Variants in MRPL37 observed in about 807,000 individuals in gnomAD.
MRPL37 encodes the protein large ribosomal subunit protein mL37.
A neutral mutation model predicts 44.1 loss-of-function variants in MRPL37; 34 were observed. The observed-to-expected ratio is 0.77, with a 90% CI of 0.59 to 1.03. MRPL37 has a LOEUF of 1.03. Ranked by LOEUF, MRPL37 falls within the 50% of genes least tolerant of loss-of-function variation. The probability of loss-of-function intolerance (pLI) is 0.00; values close to 1 mark genes in which losing one functional copy is unlikely to be tolerated. For synonymous variants in MRPL37, 212 were observed against 219.5 expected (o/e 0.97, Z 0.30); for missense variants, 532 against 543.7 (o/e 0.98, Z 0.21).
chr1:54,211,901 A>C (rs536101287), intron 4 of MRPL37, among the ~76,000 whole-genome samples: 1 of 152,368 alleles, frequency 6.6e-6, no homozygotes, highest in Non-Finnish European at 1.5e-5. Flanking sequence ...GGGAGAAGAG[A>C]ATCATGACTT....
intron 1 of MRPL37, among the ~76,000 whole-genome samples, chr1:54,202,015 T>C (rs2100499115): frequency 6.6e-6 from 1 of 152,098 alleles, no homozygotes; most frequent in South Asian, 2.1e-4. Flanking sequence ...TTTTTTTTTT[T>C]TTTTTGAGAC....
At chr1:54,224,212 T>C (rs1216240059), downstream of MRPL37, among the ~76,000 whole-genome samples, 1 of 152,118 alleles carries the variant, frequency 6.6e-6, no homozygotes, top group Admixed American at 6.5e-5. Flanking sequence ...TCTCTTCATC[T>C]CTCCAATGGA....
Position 54,212,596 on chromosome 1 carries a change from CG to C in MRPL37, c.931del (p.Ala311ProfsTer3). The C allele has an allele frequency of 6.2e-7, 1 of 1,614,216 alleles. No homozygotes were observed. The highest frequency in any genetic ancestry group is 8.5e-7 in the Non-Finnish European group (1 of 1,180,042). ...RPHRLQPDQL[R>X]AKMILFAFGS... ...ACACCGCCTTCAACCAGATCAGCTG[CG>C]GGCCAAGATGATCCTGTTTGCTTTT... On this transcript the variant is annotated frameshift_variant, in exon 5 of 7. Transcript: ENST00000360840. LOFTEE classifies it high-confidence loss of function.
rs1046110349 is a variant in MRPL37, at chr1:54,212,516, A to G, written c.848A>G (p.Tyr283Cys). Residue 283 changes from tyrosine to cysteine, a missense_variant, in exon 5 of 7, where the codon TAT becomes TGT. Transcript: ENST00000360840. Reference protein sequence around the residue: ...VKNDTGFQEGYPYPYPHTLYL... With the variant: ...VKNDTGFQEGCPYPYPHTLYL... Reference sequence around the variant, plus strand: ...TCTCTTGCAGGATTCCAGGAAGGCTATCCTTACCCCTATCCCCATACCCTG... The same window carrying G: ...TCTCTTGCAGGATTCCAGGAAGGCTGTCCTTACCCCTATCCCCATACCCTG... 1.9e-6 allele frequency: 3 copies of G among 1,614,092 alleles called. No homozygotes were observed. The highest frequency in any genetic ancestry group is 3.3e-5 in the Admixed American group (2 of 60,010).
At chr1:54,218,028 G>C (rs1341693208) in intron 6 of MRPL37, 144 bp from the exon 7 acceptor site, 7 of 793,802 alleles carry the variant, frequency 8.8e-6, no homozygotes, top group Non-Finnish European at 1.5e-5. Context: ...GCCCCTCAAT[G>C]CCCCTTCTTA....
chr1:54,220,602 C>G (rs534125628), downstream of MRPL37: 21 of 469,418 alleles, frequency 4.5e-5, no homozygotes, highest in Middle Eastern at 3.2e-4. Flanking sequence ...ACAGCTGCCC[C>G]CTCCACAGAC....
At chr1:54,210,739 C>T (rs1461336422) in intron 4 of MRPL37, among the ~76,000 whole-genome samples, 1 of 152,208 alleles carries the variant, frequency 6.6e-6, no homozygotes, top group African/African-American at 2.4e-5. Flanking sequence ...ATAGCCACAA[C>T]CTAGGTCAGT....
At chr1:54,222,162 A>G (rs758616985), downstream of MRPL37, among the ~76,000 whole-genome samples, 24 of 152,220 alleles carry the variant, frequency 1.6e-4, no homozygotes, top group Non-Finnish European at 2.2e-4. Context: ...AATTCTCAGG[A>G]CGAAGAGGGC....
rs1644113187 is a variant in MRPL37, at chr1:54,205,276, GTC to G, written c.531-15_531-14del. Reference sequence around the variant, plus strand: ...GACCTGTTGCTTTAAGTCCCCAAATGTCTCTTTTTGTCTTCAAGCCCGGTCAT... The same window carrying G: ...GACCTGTTGCTTTAAGTCCCCAAATGTCTTTTTGTCTTCAAGCCCGGTCAT... On this transcript the variant is annotated splice_polypyrimidine_tract_variant and intron_variant, in intron 2 of 6. Transcript: ENST00000360840. The G allele has an allele frequency of 1.9e-6, 3 of 1,609,798 alleles. No homozygotes were observed. Among genetic ancestry groups the G allele is most frequent in the South Asian group, 1.1e-5 (1 of 90,862 alleles).
chr1:54,208,156 C>T (rs35769204), intron 3 of MRPL37, among the ~76,000 whole-genome samples: 2,719 of 152,260 alleles, frequency 0.018, 81 homozygotes, highest in African/African-American at 0.062. Context: ...AGCATATATG[C>T]TAATCCGACT....
In MRPL37 at chr1:54,205,180, T is replaced by A. The variant is rs1644112391; in HGVS notation, c.509T>A (p.Ile170Asn). 1 of 1,613,490 alleles carries A rather than the reference T, an allele frequency of 6.2e-7. No individual in the cohort carries two copies. The highest frequency in any genetic ancestry group is 1.3e-5 in the African/African-American group (1 of 74,854). ...HARLWQTTEE[I>N]PKRETYCPVI... ...CGTCTCTGGCAGACCACTGAGGAAATCCCCAAGAGAGAGACCTACTGGTAA... is the reference window on the plus strand; with the variant it reads ...CGTCTCTGGCAGACCACTGAGGAAAACCCCAAGAGAGAGACCTACTGGTAA... The change falls in exon 2 of 7, where the codon ATC becomes AAC. Residue 170 changes from isoleucine (I) to asparagine (N), a missense_variant. Ile to Asn is a moderately radical substitution (Grantham distance 149). Transcript: ENST00000360840.
intron 5 of MRPL37, among the ~76,000 whole-genome samples, chr1:54,215,776 C>T (rs1240779530): frequency 1.3e-5 from 2 of 152,204 alleles, no homozygotes; most frequent in Middle Eastern, 6.3e-3. Flanking sequence ...TAGCTGATGT[C>T]ACTGTGGTCC....
At chr1:54,225,212 G>A, downstream of MRPL37, 1 of 1,234,358 alleles carries the variant, frequency 8.1e-7, no homozygotes, top group Non-Finnish European at 1.0e-6. Flanking sequence ...AATATTTAAA[G>A]TGAGATGGAT....
At chr1:54,220,507 T>C (rs1302349068), downstream of MRPL37, 1 of 378,482 alleles carries the variant, frequency 2.6e-6, no homozygotes, top group African/African-American at 2.1e-5. Context: ...ACTGGCGGTT[T>C]TTTTTATTGT....
chr1:54,203,046 G>C, intron 1 of MRPL37, among the ~76,000 whole-genome samples: 1 of 152,212 alleles, frequency 6.6e-6, no homozygotes, highest in Non-Finnish European at 1.5e-5. Flanking sequence ...AAGCTAGGGA[G>C]GTCTTTGCCT....
Position 54,200,251 on chromosome 1 carries a change from T to C in MRPL37, c.8T>C (p.Leu3Ser), listed in dbSNP as rs768838597. The C allele has an allele frequency of 6.3e-7, 1 of 1,587,202 alleles. No individual in the cohort carries two copies. Among genetic ancestry groups the C allele is most frequent in the Non-Finnish European group, 8.5e-7 (1 of 1,170,234 alleles). The change falls in exon 1 of 7, where the codon TTG (leucine) becomes TCG (serine). Residue 3 changes from leucine (L) to serine (S), a missense_variant. Transcript: ENST00000360840. MA[L>S]ASGPARRALA... ...TGAGGCTATCAGATCGGTATGGCATTGGCGTCCGGGCCCGCAAGGCGGGCG... is the reference window on the plus strand; with the variant it reads ...TGAGGCTATCAGATCGGTATGGCATCGGCGTCCGGGCCCGCAAGGCGGGCG...
At chr1:54,225,108 C>T, downstream of MRPL37, 1 of 1,234,312 alleles carries the variant, frequency 8.1e-7, no homozygotes, top group African/African-American at 1.5e-5. Flanking sequence ...CCAGGAGGAA[C>T]CTTTTTCTAC....
rs769795441 is a variant in MRPL37 at position 54,205,282 on chromosome 1, T to C, written c.531-13T>C. On this transcript the variant is annotated splice_polypyrimidine_tract_variant and intron_variant, in intron 2 of 6. Coordinates refer to ENST00000360840, the MANE Select transcript of MRPL37 (RefSeq NM_016491.4). Reference sequence around the variant, plus strand: ...TTGCTTTAAGTCCCCAAATGTCTCTTTTTGTCTTCAAGCCCGGTCATCGTG... The same window carrying C: ...TTGCTTTAAGTCCCCAAATGTCTCTCTTTGTCTTCAAGCCCGGTCATCGTG... 6 of 1,611,354 alleles carry C rather than the reference T, an allele frequency of 3.7e-6. No individual in the cohort carries two copies. Among genetic ancestry groups the C allele is most frequent in the South Asian group, 2.2e-5 (2 of 90,916 alleles).
At chr1:54,212,471 C>T (rs377601483) in intron 4 of MRPL37, 30 bp from the exon 5 acceptor site, 1 of 1,609,264 alleles carries the variant, frequency 6.2e-7, no homozygotes, top group Non-Finnish European at 8.5e-7. Flanking sequence ...GAATCCTTTC[C>T]ACCCCTCCAC....
Sources: gnomAD v4.1 joint callset for allele counts (sites outside exome capture counted in the v4.1 genomes callset) on GRCh38, gnomAD v4.1.1 for gene constraint, MANE v1.5 for transcripts, NCBI Gene and HGNC (gene_info 2026-07-23, HGNC 2026-07-21) for gene names.